Variants in SORCS2 observed in about 807,000 individuals in gnomAD.
SORCS2 encodes the protein sortilin related VPS10 domain containing receptor 2, also known as VPS10 domain-containing receptor SorCS2.
SORCS2 carries 100 observed loss-of-function variants against 141.6 expected under a neutral mutation model. The ratio of observed to expected loss-of-function variants is 0.71; its 90% CI spans 0.60 to 0.83. The LOEUF (loss-of-function observed/expected upper bound fraction) is 0.83, where lower values mean the gene tolerates loss of function less well. Among genes scored for constraint, SORCS2 ranks in the 40% least tolerant of loss-of-function variants. SORCS2 has a pLI of 0.00. For synonymous variants in SORCS2, 789 were observed against 676.9 expected (o/e 1.17, Z -2.57); for missense variants, 1,646 against 1,560.2 (o/e 1.05, Z -0.93).
At chr4:7,710,045 G>A (rs1725722332) in intron 14 of SORCS2, among the ~76,000 whole-genome samples, 1 of 152,194 alleles carries the variant, frequency 6.6e-6, no homozygotes, top group Non-Finnish European at 1.5e-5. Context: ...GAGGGTTGAG[G>A]TTTCATAAAA....
At chr4:7,682,321 T>C (rs1414335220) in intron 9 of SORCS2, among the ~76,000 whole-genome samples, 2 of 152,096 alleles carry the variant, frequency 1.3e-5, no homozygotes, top group African/African-American at 4.8e-5. Context: ...GCAATTCTAT[T>C]GGTCCAGGAT....
chr4:7,314,338 TTTA>T (rs1560185122), intron 1 of SORCS2, among the ~76,000 whole-genome samples: 4 of 62,780 alleles, frequency 6.4e-5, no homozygotes, highest in Admixed American at 1.5e-4. Context: ...TTTTATTTTT[TTTA>T]TTTTTTTTTA....
chr4:7,705,615 G>A (rs1411674427), intron 14 of SORCS2, among the ~76,000 whole-genome samples: 2 of 152,228 alleles, frequency 1.3e-5, no homozygotes, highest in African/African-American at 4.8e-5. Flanking sequence ...CACTCGGCTG[G>A]AGTGGCCATG....
At chr4:7,735,046 A>C (rs960339773) in intron 25 of SORCS2, among the ~76,000 whole-genome samples, 1 of 152,156 alleles carries the variant, frequency 6.6e-6, no homozygotes, top group Admixed American at 6.5e-5. Flanking sequence ...CGTCATGGCC[A>C]CCCTGCAGGG....
At chr4:7,709,743 C>T (rs1482177577) in intron 14 of SORCS2, among the ~76,000 whole-genome samples, 1 of 152,304 alleles carries the variant, frequency 6.6e-6, no homozygotes, top group South Asian at 2.1e-4. Context: ...CCAAAGGCCA[C>T]CTCTAACCTG....
rs936014574 is a variant in SORCS2 at position 7,664,015 on chromosome 4, G to A, written c.953-338G>A. On this transcript the variant is annotated intron_variant, in intron 6 of 26. Coordinates refer to ENST00000507866, the MANE Select transcript of SORCS2 (RefSeq NM_020777.3). This position sits in a 1 kb window ranked among gnomAD's most constrained non-coding sequence, Gnocchi z 4.7. ...CACCCGCCCCCATCCCTGCTTAGGT[G>A]TGAGAGACTTCAGGAGGGTATGGGG... 2.6e-5 allele frequency among the ~76,000 whole-genome samples: 4 copies of A among 152,308 alleles called. No individual in the cohort carries two copies. The highest frequency in any genetic ancestry group is 4.8e-5 in the African/African-American group (2 of 41,580).
At chr4:7,588,301 C>T (rs185978773) in intron 3 of SORCS2, among the ~76,000 whole-genome samples, 5 of 152,302 alleles carry the variant, frequency 3.3e-5, no homozygotes, top group African/African-American at 7.2e-5. Context: ...TTTCTTGAGG[C>T]TGATGGAACT....
intron 3 of SORCS2, among the ~76,000 whole-genome samples, chr4:7,584,520 T>C (rs1716399177): frequency 6.6e-6 from 1 of 152,226 alleles, no homozygotes; most frequent in Admixed American, 6.5e-5. Context: ...GTCTGGTGAA[T>C]GCAAGGAACT....
rs146236784 is a variant in SORCS2, at chr4:7,518,829, G to A, written c.549-12701G>A. ...CTGCCCCCCCGGCCCCCCATCAAAC[G>A]CAGCTTCCCCCAATTAACCCAGAAG... On this transcript the variant is annotated intron_variant, in intron 2 of 26. Coordinates refer to ENST00000507866, the MANE Select transcript of SORCS2 (RefSeq NM_020777.3). Among the ~76,000 whole-genome samples the A allele has an allele frequency of 2.6e-3, 397 of 150,642 alleles. 2 individuals are homozygous for A. The highest frequency in any genetic ancestry group is 8.9e-3 in the African/African-American group (363 of 40,802).
intron 18 of SORCS2, among the ~76,000 whole-genome samples, chr4:7,718,666 T>C (rs957257188): frequency 9.2e-5 from 14 of 152,342 alleles, no homozygotes; most frequent in East Asian, 1.9e-4. Flanking sequence ...CAGATATAAA[T>C]ACTCACACAA....
At chr4:7,738,280 G>A (rs78282362) in intron 26 of SORCS2, among the ~76,000 whole-genome samples, 6,665 of 152,346 alleles carry the variant, frequency 0.044, 192 homozygotes, top group Middle Eastern at 0.082. Flanking sequence ...ATGCCGTGTC[G>A]GGCAAGTGCC....
chr4:7,358,945 C>T (rs558203239), intron 1 of SORCS2, among the ~76,000 whole-genome samples: 1 of 152,162 alleles, frequency 6.6e-6, no homozygotes, highest in Admixed American at 6.5e-5. Context: ...CTCAAGTGAT[C>T]CTTCTACCCA....
At chr4:7,611,520 C>A (rs1718405528) in intron 3 of SORCS2, among the ~76,000 whole-genome samples, 1 of 152,206 alleles carries the variant, frequency 6.6e-6, no homozygotes, top group African/African-American at 2.4e-5. Context: ...TTCATGTCTT[C>A]ATGTGGATCT....
chr4:7,375,883 C>G (rs1473953246), intron 1 of SORCS2, among the ~76,000 whole-genome samples: 1 of 132,954 alleles, frequency 7.5e-6, no homozygotes, highest in Non-Finnish European at 1.5e-5. Flanking sequence ...TACCATCGGC[C>G]GCTTGTTATT....
chr4:7,472,499 C>G (rs1012393655), intron 2 of SORCS2, among the ~76,000 whole-genome samples: 1 of 152,024 alleles, frequency 6.6e-6, no homozygotes, highest in African/African-American at 2.4e-5. Context: ...AAGCGGGGGA[C>G]AAGATCACAA....
At chr4:7,331,405 A>G (rs1170556278) in intron 1 of SORCS2, among the ~76,000 whole-genome samples, 3 of 152,198 alleles carry the variant, frequency 2.0e-5, no homozygotes, top group Middle Eastern at 3.4e-3. Context: ...TGCTGCAGGT[A>G]TGGACCCCAC....
chr4:7,558,515 G>C (rs544262087), intron 3 of SORCS2, among the ~76,000 whole-genome samples: 1 of 152,194 alleles, frequency 6.6e-6, no homozygotes, highest in Admixed American at 6.5e-5. Context: ...GAAGAACCTG[G>C]CTTGGGTCAT....
chr4:7,322,427 T>A (rs1206837019), intron 1 of SORCS2, among the ~76,000 whole-genome samples: 1 of 152,208 alleles, frequency 6.6e-6, no homozygotes, highest in Non-Finnish European at 1.5e-5. Flanking sequence ...TCCCGGGGCC[T>A]CATGCACTGG....
chr4:7,740,056 G>C, intron 26 of SORCS2, 144 bp from the exon 27 acceptor site: 2 of 668,282 alleles, frequency 3.0e-6, no homozygotes, highest in Non-Finnish European at 5.3e-6. Context: ...GAGACCCCCT[G>C]CACCTGCACG....
Sources: allele counts gnomAD v4.1 joint callset (sites outside exome capture counted in the v4.1 genomes callset), GRCh38; gene constraint gnomAD v4.1.1; non-coding constraint Gnocchi (gnomAD v3.1); transcripts MANE v1.5; gene names NCBI Gene and HGNC (gene_info 2026-07-23, HGNC 2026-07-21).